Variants in CALD1 observed in about 807,000 individuals in gnomAD.
CALD1 encodes the protein caldesmon 1.
Under a neutral mutation model 99.9 loss-of-function variants are expected in CALD1, and 33 were observed. That is an observed-to-expected ratio of 0.33 (90% CI 0.25 to 0.44). The LOEUF (loss-of-function observed/expected upper bound fraction) is 0.44. Among genes scored for constraint, CALD1 ranks in the 20% least tolerant of loss-of-function variants. The pLI is 1.00. For synonymous variants in CALD1, 310 were observed against 325.0 expected (o/e 0.95, Z 0.50); for missense variants, 861 against 962.1 (o/e 0.89, Z 1.39).
chr7:134,836,929 T>C (rs2132115809), intron 1 of CALD1, among the ~76,000 whole-genome samples: 1 of 152,326 alleles, frequency 6.6e-6, no homozygotes, highest in South Asian at 2.1e-4. Flanking sequence ...TTACTCTTCA[T>C]TCAATGATTG....
chr7:134,770,946 G>A (rs769856485), intron 1 of CALD1, among the ~76,000 whole-genome samples: 2 of 152,232 alleles, frequency 1.3e-5, no homozygotes, highest in African/African-American at 2.4e-5. Flanking sequence ...AAAAGAGGAA[G>A]TGAATCGGGT....
intron 1 of CALD1, among the ~76,000 whole-genome samples, chr7:134,785,357 AT>A (rs1422163864): frequency 6.6e-6 from 1 of 152,230 alleles, no homozygotes; most frequent in African/African-American, 2.4e-5. Context: ...GAAACTTCAT[AT>A]GAATCTTCCA....
chr7:134,933,958 C>T lies in CALD1; in HGVS notation c.1189C>T (p.His397Tyr). ...TAACAAGCAGCTAGAAGAGAAAAAA[C>T]ATGCCATGCAAGAGACAAAGATAAA... is the stretch of plus-strand genomic sequence containing the variant. ...KRNKQLEEKKHAMQETKIKGE... is the reference protein window; with the variant it reads ...KRNKQLEEKKYAMQETKIKGE... Residue 397 changes from histidine (H) to tyrosine (Y), a missense_variant, in exon 5 of 15, where the codon CAT (histidine) becomes TAT (tyrosine). Transcript: ENST00000361675. The T allele has an allele frequency of 1.9e-6, 3 of 1,614,006 alleles. No individual in the cohort carries two copies. Among genetic ancestry groups the T allele is most frequent in the Non-Finnish European group, 2.5e-6 (3 of 1,179,956 alleles).
At chr7:134,921,572 G>A (rs938370644) in intron 3 of CALD1, among the ~76,000 whole-genome samples, 1 of 152,198 alleles carries the variant, frequency 6.6e-6, no homozygotes, top group East Asian at 1.9e-4. Flanking sequence ...AGCACTTTGG[G>A]AGGCCGAGGC....
chr7:134,925,790 A>C (rs915358023), intron 3 of CALD1, among the ~76,000 whole-genome samples: 4 of 152,212 alleles, frequency 2.6e-5, no homozygotes, highest in African/African-American at 9.6e-5. Flanking sequence ...TAACCCTATC[A>C]ATAGGGATGT....
rs143329868 is a variant in CALD1, at chr7:134,965,323, C to T, written c.2313C>T (p.Asp771=). Residue 771 remains aspartate (D), a synonymous_variant, in exon 14 of 15, where the codon GAC becomes GAT. Transcript: ENST00000361675. ...APKPSDLRPG[D]VSSKRNLWEK... is the part of the protein sequence containing the mutation. ...TTTATCAGGACTTGAGACCAGGAGA[C>T]GTATCCAGCAAGCGGAACCTCTGGG... 9.3e-4 allele frequency: 1,475 copies of T among 1,580,088 alleles called. 4 individuals carry two copies. The highest frequency in any genetic ancestry group is 1.2e-3 in the Non-Finnish European group (1,328 of 1,149,046).
intron 3 of CALD1, among the ~76,000 whole-genome samples, chr7:134,874,160 A>ATTTTCTTT (rs564751190): frequency 1.3e-5 from 2 of 151,404 alleles, no homozygotes; most frequent in East Asian, 1.9e-4. Context: ...GCTGTGGTGT[A>ATTTTCTTT]TTTTCTTTTT....
chr7:134,738,093 G>C, the CALD1 span, among the ~76,000 whole-genome samples: 1 of 152,104 alleles, frequency 6.6e-6, no homozygotes, highest in African/African-American at 2.4e-5. Context: ...GCCTCCAAGG[G>C]TGTTGGCTTT....
intron 1 of CALD1, among the ~76,000 whole-genome samples, chr7:134,811,391 G>A (rs1798349990): frequency 6.6e-6 from 1 of 152,138 alleles, no homozygotes; most frequent in Non-Finnish European, 1.5e-5. Flanking sequence ...AATGGTAGTG[G>A]ACTGTGTTAA....
intron 3 of CALD1, among the ~76,000 whole-genome samples, chr7:134,880,662 C>T (rs560545618): frequency 1.9e-4 from 29 of 151,804 alleles, no homozygotes; most frequent in Non-Finnish European, 3.7e-4. Flanking sequence ...TCTAACATTC[C>T]CTCACTATTT....
the CALD1 span, among the ~76,000 whole-genome samples, chr7:134,717,999 T>C: frequency 1.3e-5 from 2 of 152,196 alleles, no homozygotes; most frequent in African/African-American, 4.8e-5. Context: ...CAATACTAAC[T>C]ATGTGAATGC....
chr7:134,958,895 A>ATTTAAC (rs1808020959), intron 11 of CALD1, among the ~76,000 whole-genome samples: 1 of 140,034 alleles, frequency 7.1e-6, no homozygotes, highest in African/African-American at 2.7e-5. Context: ...ATATATATAT[A>ATTTAAC]TATATATATA....
chr7:134,857,690 GC>G (rs1800377127), intron 2 of CALD1, among the ~76,000 whole-genome samples: 1 of 152,114 alleles, frequency 6.6e-6, no homozygotes, highest in Non-Finnish European at 1.5e-5. Flanking sequence ...AAGGGACATA[GC>G]AGATAACATC....
chr7:134,911,267 C>T (rs1244018432), intron 3 of CALD1, among the ~76,000 whole-genome samples: 1 of 148,852 alleles, frequency 6.7e-6, no homozygotes, highest in Non-Finnish European at 1.5e-5. Context: ...AGAAAGCGAG[C>T]CCTGCAGCCC....
At position 134,864,044 on chromosome 7, in the gene CALD1, G is replaced by A. The variant is rs117791876; in HGVS notation, c.-41-3649G>A. Among the ~76,000 whole-genome samples, 1,291 of 152,244 alleles carry A rather than the reference G, an allele frequency of 8.5e-3. 9 individuals are homozygous for A. Among genetic ancestry groups the A allele is most frequent in the Admixed American group, 0.015 (222 of 15,300 alleles). On this transcript the variant is annotated intron_variant, in intron 2 of 14. Transcript: ENST00000361675. ...TGCCAATCCCCTGGGCCGCAGGCTC[G>A]TGGCTTTGTTCAAAAAGAAGGGCAG...
At chr7:134,898,203 C>T (rs922864384) in intron 3 of CALD1, among the ~76,000 whole-genome samples, 9 of 152,144 alleles carry the variant, frequency 5.9e-5, no homozygotes, top group Admixed American at 2.0e-4. Context: ...CAACTTGCTG[C>T]GACACAGCTA....
At chr7:134,770,488 T>G (rs953187840) in intron 1 of CALD1, among the ~76,000 whole-genome samples, 1 of 152,082 alleles carries the variant, frequency 6.6e-6, no homozygotes, top group East Asian at 1.9e-4. Flanking sequence ...TAGGGGTCAC[T>G]GGCAAGCCTC....
chr7:134,771,197 T>A (rs910518658), intron 1 of CALD1, among the ~76,000 whole-genome samples: 1 of 152,150 alleles, frequency 6.6e-6, no homozygotes, highest in Non-Finnish European at 1.5e-5. Flanking sequence ...TGGTTTTAAA[T>A]CCTATCTAAA....
chr7:134,854,506 A>C (rs554739344), intron 2 of CALD1, among the ~76,000 whole-genome samples: 7 of 152,350 alleles, frequency 4.6e-5, no homozygotes, highest in South Asian at 4.1e-4. Context: ...GACAGGACTT[A>C]TAATGCAGCT....
Sources: gnomAD v4.1 joint callset for allele counts (sites outside exome capture counted in the v4.1 genomes callset) on GRCh38, gnomAD v4.1.1 for gene constraint, MANE v1.5 for transcripts, NCBI Gene and HGNC (gene_info 2026-07-23, HGNC 2026-07-21) for gene names.